DIABLO: variants seen among roughly 807,000 people sequenced by gnomAD.
DIABLO encodes diablo IAP-binding mitochondrial protein.
In DIABLO, 32 loss-of-function variants were observed where a neutral mutation model predicts 31.7. The observed-to-expected ratio is 1.01, with a 90% CI of 0.76 to 1.35. The LOEUF is 1.35. DIABLO is among the 40% of genes most tolerant of loss of function. The probability of loss-of-function intolerance (pLI) is 0.00; values close to 1 mark genes in which losing one functional copy is unlikely to be tolerated. For missense variants in DIABLO, 316 were observed against 286.4 expected (o/e 1.10, Z -0.75); for synonymous variants, 132 against 103.2 (o/e 1.28, Z -1.69).
intron 2 of DIABLO, among the ~76,000 whole-genome samples, chr12:122,223,672 C>T (rs1245709156): frequency 6.6e-6 from 1 of 152,140 alleles, no homozygotes; most frequent in Admixed American, 6.5e-5. Context: ...TGGCAAGCTC[C>T]TCCCCGCACC....
At chr12:122,210,572 G>T (rs1225820812) in intron 5 of DIABLO, among the ~76,000 whole-genome samples, 3 of 150,850 alleles carry the variant, frequency 2.0e-5, no homozygotes, top group Non-Finnish European at 4.4e-5. Context: ...GTAGAGACGG[G>T]GTTTCACCAC....
chr12:122,216,378 T>A, intron 5 of DIABLO, 110 bp downstream of exon 5: 6 of 916,948 alleles, frequency 6.5e-6, no homozygotes, highest in South Asian at 5.9e-5. Context: ...TGAGAGCCAC[T>A]TAGACCATTT....
rs1954457081 is a variant in DIABLO, at chr12:122,225,965, C to T, written c.50G>A (p.Arg17Lys). 3.8e-6 allele frequency: 6 copies of T among 1,595,726 alleles called. No individual in the cohort carries two copies. Among genetic ancestry groups the T allele is most frequent in the Non-Finnish European group, 5.1e-6 (6 of 1,171,800 alleles). ...CCCCTCTACGCGGCCGCAGCGGTAC[C>T]TGAAGAATGAAGTTACGCTGCGCGA... is the stretch of plus-strand genomic sequence containing the variant. ...WLSRSVTSFF[R>K]YRQCLCVPVV... The change falls in exon 1 of 6, where the codon AGG becomes AAG. Residue 17 changes from arginine to lysine, a missense_variant and splice_region_variant. Physicochemically the swap from Arg to Lys is conservative, Grantham distance 26 (BLOSUM62 2). Transcript: ENST00000464942.
chr12:122,216,454 TAAAAA>T (rs3215200), intron 5 of DIABLO, 29 bp downstream of exon 5: 26 of 1,449,362 alleles, frequency 1.8e-5, no homozygotes. Context: ...GTTAAAAAAT[TAAAAA>T]AAAAACCCAA....
At chr12:122,214,988 A>G (rs748919329) in intron 5 of DIABLO, among the ~76,000 whole-genome samples, 2 of 152,182 alleles carry the variant, frequency 1.3e-5, no homozygotes, top group African/African-American at 2.4e-5. Flanking sequence ...TATAGGCATG[A>G]GCCACTGCAA....
intron 5 of DIABLO, among the ~76,000 whole-genome samples, chr12:122,210,679 GAT>G: frequency 6.6e-6 from 1 of 152,078 alleles, no homozygotes; most frequent in East Asian, 1.9e-4. Flanking sequence ...GCGCCCAGGT[GAT>G]ATATCAACTT....
intron 3 of DIABLO, 57 bp from the exon 4 acceptor site, chr12:122,216,926 T>G (rs1354839241): frequency 3.5e-6 from 5 of 1,436,384 alleles, no homozygotes; most frequent in South Asian, 2.3e-5. Flanking sequence ...TCAGAAGGAA[T>G]AGAGAGATTT....
At chr12:122,226,977 G>C (rs1593186924), upstream of DIABLO, among the ~76,000 whole-genome samples, 5 of 152,350 alleles carry the variant, frequency 3.3e-5, no homozygotes, top group South Asian at 1.0e-3. Flanking sequence ...GAAGGGGAAG[G>C]GGAGAGAGAC....
At chr12:122,209,667 C>CAAA in intron 5 of DIABLO, 3 of 529,066 alleles carry the variant, frequency 5.7e-6, no homozygotes, top group Non-Finnish European at 1.0e-5. Context: ...GTCTCCCCCC[C>CAAA]AAAAAAAAAA....
chr12:122,224,504 G>T lies in DIABLO; in HGVS notation c.183+8C>A. The T allele has an allele frequency of 1.2e-6, 2 of 1,613,544 alleles. No individual in the cohort carries two copies. The highest frequency in any genetic ancestry group is 1.1e-5 in the South Asian group (1 of 91,050). On this transcript the variant is annotated splice_region_variant and intron_variant, in intron 2 of 5. Coordinates refer to ENST00000464942, the MANE Select transcript of DIABLO (RefSeq NM_001371333.1). ...ACACTAGATAAGAATCACTGCACAC[G>T]ACAGTACCTGTGCAATAGGAACCGC...
chr12:122,209,132 G>C (rs1200211722), intron 5 of DIABLO, among the ~76,000 whole-genome samples: 1 of 152,318 alleles, frequency 6.6e-6, no homozygotes, highest in East Asian at 1.9e-4. Context: ...AGCCAAGGCA[G>C]GCAGATCACC....
intron 5 of DIABLO, among the ~76,000 whole-genome samples, chr12:122,210,907 G>A (rs1954071962): frequency 6.6e-6 from 1 of 150,508 alleles, no homozygotes; most frequent in South Asian, 2.1e-4. Flanking sequence ...GGGCATGGTG[G>A]TGTGCACCTG....
chr12:122,224,844 C>T, intron 1 of DIABLO, 200 bp from the exon 2 acceptor site: 1 of 1,496,346 alleles, frequency 6.7e-7, no homozygotes, highest in Non-Finnish European at 8.9e-7. Flanking sequence ...TGGCTCACGC[C>T]TGTAATCCTA....
At chr12:122,223,323 T>C (rs1486002016) in intron 2 of DIABLO, among the ~76,000 whole-genome samples, 1 of 151,258 alleles carries the variant, frequency 6.6e-6, no homozygotes, top group East Asian at 2.0e-4. Flanking sequence ...TAATCCCAGC[T>C]ACCCGGAGGC....
chr12:122,217,838 ATTAGG>A (rs1044135160), intron 3 of DIABLO: 8 of 192,370 alleles, frequency 4.2e-5, no homozygotes, highest in Non-Finnish European at 8.7e-5. Context: ...TCTCTTTTCT[ATTAGG>A]TTAGATCAGT....
rs1357447676 is a variant in DIABLO at position 122,208,230 on chromosome 12, T to G, written c.*151A>C. 2.3e-6 allele frequency: 2 copies of G among 888,002 alleles called. No homozygotes were observed. The highest frequency in any genetic ancestry group is 1.8e-6 in the Non-Finnish European group (1 of 556,174). The allele number at this position is 888,002 out of a possible 1,614,324, so 55.0% of individuals were successfully genotyped here. ...GCAAGCCTGAGACCACAGGAGGCACTCACAGCTCACAAAGGCGTCTCGCCT... is the reference window on the plus strand; with the variant it reads ...GCAAGCCTGAGACCACAGGAGGCACGCACAGCTCACAAAGGCGTCTCGCCT... On this transcript the variant is annotated 3_prime_UTR_variant, in exon 6 of 6. Transcript: ENST00000464942.
intron 5 of DIABLO, among the ~76,000 whole-genome samples, chr12:122,210,753 G>T (rs574420535): frequency 1.1e-3 from 165 of 152,096 alleles, no homozygotes; most frequent in African/African-American, 3.7e-3. Flanking sequence ...GTGTGTCTTA[G>T]AAGAGTATGT....
chr12:122,209,726 G>T (rs1198704126), intron 5 of DIABLO: 2 of 702,408 alleles, frequency 2.8e-6, no homozygotes, highest in South Asian at 3.0e-5. Context: ...TTCACCATCT[G>T]GGTATATACA....
chr12:122,211,076 G>T (rs370140529), intron 5 of DIABLO, among the ~76,000 whole-genome samples: 5 of 3,272 alleles, frequency 1.5e-3, no homozygotes, highest in Non-Finnish European at 3.8e-3. Context: ...TTAGTTAAAA[G>T]TAAAAAAAAA....
Sources: gnomAD v4.1 joint callset for allele counts (sites outside exome capture counted in the v4.1 genomes callset) on GRCh38, gnomAD v4.1.1 for gene constraint, MANE v1.5 for transcripts, NCBI Gene and HGNC (gene_info 2026-07-23, HGNC 2026-07-21) for gene names.